Variants in UNC5D observed in about 807,000 individuals in gnomAD.
UNC5D encodes the protein unc-5 netrin receptor D.
Under a neutral mutation model 105.4 loss-of-function variants are expected in UNC5D, and 39 were observed. The ratio of observed to expected loss-of-function variants is 0.37; its 90% CI spans 0.29 to 0.48. The LOEUF (loss-of-function observed/expected upper bound fraction) is 0.48. Among genes scored for constraint, UNC5D ranks in the 20% least tolerant of loss-of-function variants. The pLI is 0.98. For missense variants in UNC5D, 991 were observed against 1,202.4 expected (o/e 0.82, Z 2.60); for synonymous variants, 452 against 450.4 (o/e 1.00, Z -0.04).
At chr8:35,720,984 A>G (rs548139231) in intron 8 of UNC5D, among the ~76,000 whole-genome samples, 1 of 152,306 alleles carries the variant, frequency 6.6e-6, no homozygotes, top group East Asian at 1.9e-4. Flanking sequence ...ACTGTTGAAA[A>G]TAAATTCACT....
At position 35,699,660 on chromosome 8, in the gene UNC5D, T is replaced by A. The variant is rs989149571; in HGVS notation, c.1085-6269T>A. 2.6e-5 allele frequency among the ~76,000 whole-genome samples: 4 copies of A among 152,108 alleles called. No individual in the cohort carries two copies. The East Asian group carries it at 5.8e-4, about 22-fold the overall frequency. Reference sequence around the variant, plus strand: ...ATTCTCTGTGCTTGTCCTCCATGAGTACGCTCAGATTGCATTTTAAAAGGG... The same window carrying A: ...ATTCTCTGTGCTTGTCCTCCATGAGAACGCTCAGATTGCATTTTAAAAGGG... On this transcript the variant is annotated intron_variant, in intron 7 of 16. Transcript: ENST00000404895.
At chr8:35,391,770 G>T (rs552306562) in intron 1 of UNC5D, among the ~76,000 whole-genome samples, 1 of 152,332 alleles carries the variant, frequency 6.6e-6, no homozygotes, top group East Asian at 1.9e-4. Flanking sequence ...AAGTGAGGAT[G>T]ATTAGAACTG....
intron 1 of UNC5D, among the ~76,000 whole-genome samples, chr8:35,411,753 C>T (rs1405782175): frequency 6.6e-6 from 1 of 151,896 alleles, no homozygotes; most frequent in Non-Finnish European, 1.5e-5. Flanking sequence ...CTCTCTTACC[C>T]CCTAGAATAG....
intron 4 of UNC5D, 108 bp from the exon 5 acceptor site, chr8:35,683,439 T>C: frequency 1.8e-6 from 2 of 1,128,560 alleles, no homozygotes; most frequent in Non-Finnish European, 2.4e-6. Flanking sequence ...GCTGTTGCTC[T>C]ATATTTTAGA....
intron 1 of UNC5D, among the ~76,000 whole-genome samples, chr8:35,465,485 GCAA>G (rs1809234989): frequency 6.6e-6 from 1 of 150,982 alleles, no homozygotes; most frequent in Non-Finnish European, 1.5e-5. Context: ...TCCAGCCTGG[GCAA>G]CAGAGCAAGA....
intron 4 of UNC5D, among the ~76,000 whole-genome samples, chr8:35,618,585 G>GT (rs1180189135): frequency 6.6e-6 from 1 of 152,156 alleles, no homozygotes; most frequent in African/African-American, 2.4e-5. Context: ...GATGATCATG[G>GT]TTAGTTACCA....
chr8:35,485,912 T>C (rs1030837155), intron 1 of UNC5D, among the ~76,000 whole-genome samples: 8 of 152,218 alleles, frequency 5.3e-5, no homozygotes, highest in African/African-American at 1.9e-4. Flanking sequence ...GTTGCAGGTA[T>C]GAGTGGAACA....
chr8:35,362,357 C>T (rs1392908939), intron 1 of UNC5D, among the ~76,000 whole-genome samples: 1 of 152,150 alleles, frequency 6.6e-6, no homozygotes, highest in African/African-American at 2.4e-5. Context: ...GTGTAAAGCA[C>T]TTAGCCCAGA....
intron 4 of UNC5D, among the ~76,000 whole-genome samples, chr8:35,602,948 C>G (rs981139596): frequency 6.7e-6 from 1 of 149,040 alleles, no homozygotes; most frequent in South Asian, 2.1e-4. Context: ...TGTTCAGTTC[C>G]CATCTATGAG....
chr8:35,668,474 T>C (rs1824573896), intron 4 of UNC5D, among the ~76,000 whole-genome samples: 1 of 152,142 alleles, frequency 6.6e-6, no homozygotes, highest in South Asian at 2.1e-4. Flanking sequence ...ATAGTCAGTC[T>C]TTATGGCTTC....
intron 11 of UNC5D, among the ~76,000 whole-genome samples, chr8:35,743,848 A>G (rs778312487): frequency 1.3e-5 from 2 of 152,186 alleles, no homozygotes; most frequent in African/African-American, 4.8e-5. Context: ...TTCCATGTAT[A>G]TATCCCCCAA....
At chr8:35,362,329 T>G (rs2128918874) in intron 1 of UNC5D, among the ~76,000 whole-genome samples, 1 of 152,348 alleles carries the variant, frequency 6.6e-6, no homozygotes, top group South Asian at 2.1e-4. Flanking sequence ...GCAAATGCAC[T>G]TCCTTACAAG....
At chr8:35,392,983 T>C in intron 1 of UNC5D, among the ~76,000 whole-genome samples, 1 of 151,540 alleles carries the variant, frequency 6.6e-6, no homozygotes, top group East Asian at 1.9e-4. Flanking sequence ...ATATATTTTG[T>C]TCTTTTTAAA....
chr8:35,353,740 A>T (rs1008512276), intron 1 of UNC5D, among the ~76,000 whole-genome samples: 1 of 152,200 alleles, frequency 6.6e-6, no homozygotes, highest in African/African-American at 2.4e-5. Context: ...AATCCAAAAA[A>T]GATAGTGGGA....
rs1803106038 is a variant in UNC5D at position 35,792,903 on chromosome 8, T to C, written c.*2340T>C. 7.3e-6 allele frequency: 3 copies of C among 408,338 alleles called. No homozygotes were observed. The highest frequency in any genetic ancestry group is 4.2e-5 in the African/African-American group (2 of 47,490). 25.3% of individuals were successfully genotyped at this position (408,338 alleles called of 1,614,324 possible). On this transcript the variant is annotated 3_prime_UTR_variant, in exon 17 of 17. Transcript: ENST00000404895. ...TAAATGATTTTCCCTCAAATCTATC[T>C]AGATTATTTTAAGATGAGACAAGAT...
intron 1 of UNC5D, among the ~76,000 whole-genome samples, chr8:35,263,123 A>T (rs576764843): frequency 6.6e-6 from 1 of 152,134 alleles, no homozygotes; most frequent in Admixed American, 6.5e-5. Flanking sequence ...CTTTTTTAAG[A>T]GACAAAGTTG....
At chr8:35,463,990 T>C (rs963257561) in intron 1 of UNC5D, among the ~76,000 whole-genome samples, 8 of 152,150 alleles carry the variant, frequency 5.3e-5, no homozygotes, top group Non-Finnish European at 1.0e-4. Context: ...AACCTGCCCA[T>C]AGTAACTTGC....
At chr8:35,459,973 C>T (rs991497941) in intron 1 of UNC5D, among the ~76,000 whole-genome samples, 3 of 152,104 alleles carry the variant, frequency 2.0e-5, no homozygotes, top group East Asian at 1.9e-4. Context: ...TTGCCGGATT[C>T]GGCTCCACGA....
At position 35,275,120 on chromosome 8, in the gene UNC5D, A is replaced by G. The variant is rs185977292; in HGVS notation, c.103+39233A>G. On this transcript the variant is annotated intron_variant, in intron 1 of 16. Coordinates refer to ENST00000404895, the MANE Select transcript of UNC5D (RefSeq NM_080872.4). ...AAAGAAAACAAAACAACAACAAAAT[A>G]TATATTTTTATATATATATATATTT... Among the ~76,000 whole-genome samples, 5 of 149,608 alleles carry G rather than the reference A, an allele frequency of 3.3e-5. No individual in the cohort carries two copies. The East Asian group carries it at 9.8e-4, about 29-fold the overall frequency.
Sources: allele counts gnomAD v4.1 joint callset (sites outside exome capture counted in the v4.1 genomes callset), GRCh38; gene constraint gnomAD v4.1.1; transcripts MANE v1.5; gene names NCBI Gene and HGNC (gene_info 2026-07-23, HGNC 2026-07-21).